The following HAPSTR2 variants were observed in gnomAD, a reference collection of about 807,000 sequenced individuals.
The protein encoded by HAPSTR2 is HUWE1-associated protein modifying stress responses 2.
the HAPSTR2 span, chrX:140,091,782 G>A: frequency 3.1e-6 from 3 of 957,065 alleles, no homozygotes; most frequent in Non-Finnish European, 4.0e-6. Flanking sequence ...CGAGGTCGCG[G>A]AGCACTGGTT....
chrX:140,092,235 C>G, the HAPSTR2 span: 1 of 755,277 alleles, frequency 1.3e-6, no homozygotes, highest in South Asian at 6.7e-5. Context: ...CCCGAAGCCA[C>G]CCACTGGGGT....
At chrX:140,092,280 T>C in the HAPSTR2 span, 1 of 754,268 alleles carries the variant, frequency 1.3e-6, no homozygotes, top group Non-Finnish European at 1.6e-6. Context: ...GTCCAGCTCA[T>C]CGGTGGACGT....
At chrX:140,092,183 A>T in the HAPSTR2 span, 2 of 758,210 alleles carry the variant, frequency 2.6e-6, no homozygotes, top group Non-Finnish European at 3.1e-6. Flanking sequence ...TGTGTGGCAA[A>T]GTGCCCCCCG....
the HAPSTR2 span, among the ~76,000 whole-genome samples, chrX:140,092,903 T>A: frequency 8.9e-6 from 1 of 112,058 alleles, no homozygotes; most frequent in African/African-American, 3.2e-5. Flanking sequence ...TAAATGTTCA[T>A]TGAATGAATA....
At chrX:140,092,657 C>T in the HAPSTR2 span, 22 of 615,319 alleles carry the variant, frequency 3.6e-5, no homozygotes, top group East Asian at 3.2e-3. Flanking sequence ...CATTTTTCTT[C>T]CCTTCTCTAA....
At chrX:140,092,660 T>C in the HAPSTR2 span, 1 of 597,181 alleles carries the variant, frequency 1.7e-6, no homozygotes, top group Non-Finnish European at 2.0e-6. Context: ...TTTTCTTCCC[T>C]TCTCTAAGTT....
At chrX:140,091,985 T>G in the HAPSTR2 span, 10 of 828,126 alleles carry the variant, frequency 1.2e-5, no homozygotes, top group Non-Finnish European at 1.5e-5. Flanking sequence ...AGCAAGGACT[T>G]TCCATGTGGG....
chrX:140,091,769 G>C, the HAPSTR2 span: 274 of 940,778 alleles, frequency 2.9e-4, no homozygotes, highest in Non-Finnish European at 3.5e-4. Flanking sequence ...AGGAGGGCGA[G>C]GCCGAGGTCG....
chrX:140,091,865 G>A, the HAPSTR2 span: 1 of 973,609 alleles, frequency 1.0e-6, no homozygotes, highest in South Asian at 2.9e-5. Flanking sequence ...TGCAGGAGGA[G>A]GCGGCTGCAG....
At chrX:140,092,459 A>T in the HAPSTR2 span, 1 of 754,083 alleles carries the variant, frequency 1.3e-6, no homozygotes, top group South Asian at 6.7e-5. Context: ...ACTCAGAGGA[A>T]CTGGCCCTCC....
the HAPSTR2 span, chrX:140,092,189 C>T: frequency 2.6e-6 from 2 of 757,459 alleles, no homozygotes. Flanking sequence ...GCAAAGTGCC[C>T]CCCGCTCCTC....
the HAPSTR2 span, among the ~76,000 whole-genome samples, chrX:140,092,825 G>A: frequency 9.0e-6 from 1 of 111,631 alleles, no homozygotes; most frequent in Non-Finnish European, 1.9e-5. Context: ...ATCTGGTCAA[G>A]GCAGGAGTCT....
the HAPSTR2 span, chrX:140,092,484 G>A: frequency 1.3e-6 from 1 of 754,013 alleles, no homozygotes; most frequent in Non-Finnish European, 1.6e-6. Flanking sequence ...GGACAGTGGG[G>A]GGATCCGCAA....
At chrX:140,092,510 A>C in the HAPSTR2 span, 2 of 753,776 alleles carry the variant, frequency 2.7e-6, no homozygotes, top group South Asian at 1.4e-4. Flanking sequence ...CCTCGGCCCA[A>C]TGCAGTGATG....
chrX:140,092,655 T>G, the HAPSTR2 span: 1 of 617,489 alleles, frequency 1.6e-6, no homozygotes, highest in African/African-American at 2.5e-5. Context: ...ACCATTTTTC[T>G]TCCCTTCTCT....
At chrX:140,091,823 G>A in the HAPSTR2 span, 1 of 974,161 alleles carries the variant, frequency 1.0e-6, no homozygotes, top group South Asian at 2.8e-5. Context: ...GCCTGGCTGA[G>A]GCCGAGCAGG....
chrX:140,091,869 G>A, the HAPSTR2 span: 1 of 971,252 alleles, frequency 1.0e-6, no homozygotes, highest in South Asian at 2.9e-5. Flanking sequence ...GGAGGAGGCG[G>A]CTGCAGAGTT....
the HAPSTR2 span, chrX:140,091,807 G>C: frequency 1.0e-6 from 1 of 960,785 alleles, no homozygotes; most frequent in Admixed American, 3.5e-5. Context: ...AAGTGGGAGC[G>C]CCAGTGCCTG....
the HAPSTR2 span, chrX:140,092,594 T>C: frequency 1.3e-6 from 1 of 750,659 alleles, no homozygotes; most frequent in Non-Finnish European, 1.6e-6. Flanking sequence ...GCCGCCATAT[T>C]GCTTGAGAGT....
Sources: gnomAD v4.1 joint callset for allele counts (sites outside exome capture counted in the v4.1 genomes callset) on GRCh38, gnomAD v4.1.1 for gene constraint, MANE v1.5 for transcripts, NCBI Gene and HGNC (gene_info 2026-07-23, HGNC 2026-07-21) for gene names.